Variants in C1QTNF3 observed in about 807,000 individuals in gnomAD.
The protein encoded by C1QTNF3 is complement C1q tumor necrosis factor-related protein 3.
Under a neutral mutation model 32.6 loss-of-function variants are expected in C1QTNF3, and 26 were observed. That is an observed-to-expected ratio of 0.80 (90% confidence interval 0.58 to 1.11). The LOEUF is 1.11. Ranked by LOEUF, C1QTNF3 falls within the 50% of genes least tolerant of loss-of-function variation. C1QTNF3 has a pLI of 0.00. For missense variants in C1QTNF3, 362 were observed against 398.2 expected, an observed-to-expected ratio of 0.91 and a Z score of 0.77; for synonymous variants, 155 against 146.0, an observed-to-expected ratio of 1.06 and a Z score of -0.44.
the C1QTNF3 span, among the ~76,000 whole-genome samples, chr5:34,148,244 G>C: frequency 6.9e-6 from 1 of 144,964 alleles, no homozygotes; most frequent in South Asian, 2.3e-4. Context: ...ACAGCAGTCT[G>C]AGATCAAACT....
the C1QTNF3 span, among the ~76,000 whole-genome samples, chr5:34,205,370 T>G: frequency 6.6e-6 from 1 of 152,188 alleles, no homozygotes; most frequent in Non-Finnish European, 1.5e-5. Context: ...CTCTCAAACC[T>G]CTTGTCCAAT....
At chr5:34,080,118 T>C in the C1QTNF3 span, among the ~76,000 whole-genome samples, 1 of 151,680 alleles carries the variant, frequency 6.6e-6, no homozygotes, top group African/African-American at 2.4e-5. Flanking sequence ...CAGTTCTTTT[T>C]TTTAAAGTGC....
intron 4 of C1QTNF3, 116 bp downstream of exon 4, chr5:34,028,638 C>A: frequency 1.1e-6 from 1 of 870,644 alleles, no homozygotes; most frequent in Non-Finnish European, 1.6e-6. Context: ...TACTCCCTTC[C>A]TCCTTCTTTC....
chr5:34,239,301 C>T, the C1QTNF3 span: 1 of 152,122 alleles, frequency 6.6e-6, no homozygotes, highest in South Asian at 2.1e-4. Flanking sequence ...CAACATTAAC[C>T]ATAAATGTAA....
the C1QTNF3 span, among the ~76,000 whole-genome samples, chr5:34,170,256 C>A: frequency 1.3e-5 from 2 of 152,074 alleles, no homozygotes; most frequent in African/African-American, 2.4e-5. Flanking sequence ...GCAGAGAAGA[C>A]CACAGTGGTT....
At chr5:34,020,823 C>G (rs751216775) in intron 5 of C1QTNF3, 81 bp from the exon 6 acceptor site, 1 of 1,401,640 alleles carries the variant, frequency 7.1e-7, no homozygotes, top group Non-Finnish European at 9.9e-7. Context: ...CTCCCCTTCT[C>G]TCCTTCCCAC....
chr5:34,121,413 T>C, the C1QTNF3 span, among the ~76,000 whole-genome samples: 1 of 152,112 alleles, frequency 6.6e-6, no homozygotes, highest in Non-Finnish European at 1.5e-5. Context: ...CTCAGAATCA[T>C]GGCAGGATAT....
the C1QTNF3 span, among the ~76,000 whole-genome samples, chr5:34,160,852 T>C: frequency 6.6e-6 from 1 of 151,196 alleles, no homozygotes; most frequent in Non-Finnish European, 1.5e-5. Context: ...GAAAGAATGC[T>C]ATGTGAAACA....
chr5:34,077,658 T>C, the C1QTNF3 span, among the ~76,000 whole-genome samples: 29 of 151,794 alleles, frequency 1.9e-4, no homozygotes, highest in Non-Finnish European at 1.2e-4. Flanking sequence ...TTATGACTAA[T>C]AGTAAGAGAT....
chr5:34,035,829 T>G (rs1754724123), intron 1 of C1QTNF3, 71 bp from the exon 2 acceptor site: 14 of 1,138,482 alleles, frequency 1.2e-5, no homozygotes, highest in Non-Finnish European at 1.8e-5. Context: ...AAATTTCCAC[T>G]GGCCTTGGCC....
the C1QTNF3 span, among the ~76,000 whole-genome samples, chr5:34,214,344 G>A: frequency 6.6e-6 from 1 of 151,646 alleles, no homozygotes; most frequent in African/African-American, 2.4e-5. Flanking sequence ...ATTTCCAGAA[G>A]AAAAGTATGT....
chr5:34,059,343 C>G, the C1QTNF3 span, among the ~76,000 whole-genome samples: 1 of 152,164 alleles, frequency 6.6e-6, no homozygotes, highest in Non-Finnish European at 1.5e-5. Flanking sequence ...CCCACCCTAA[C>G]AGCCTCATTT....
chr5:34,170,059 G>T, the C1QTNF3 span, among the ~76,000 whole-genome samples: 1 of 152,146 alleles, frequency 6.6e-6, no homozygotes, highest in Non-Finnish European at 1.5e-5. Flanking sequence ...CAGATGAATG[G>T]ATAAAGAAAT....
intron 3 of C1QTNF3, among the ~76,000 whole-genome samples, chr5:34,030,375 G>A (rs1364036): frequency 0.046 from 6,997 of 152,280 alleles, 236 homozygotes; most frequent in Non-Finnish European, 0.071. Flanking sequence ...TTGGGAATAA[G>A]GCTGTCTATT....
the C1QTNF3 span, among the ~76,000 whole-genome samples, chr5:34,099,863 ATAATT>A: frequency 7.1e-6 from 1 of 140,706 alleles, no homozygotes; most frequent in African/African-American, 2.7e-5. Flanking sequence ...CACCTCTCTG[ATAATT>A]TAAAGAGGTT....
chr5:34,031,543 C>G (rs1311355357), intron 3 of C1QTNF3, among the ~76,000 whole-genome samples: 1 of 152,126 alleles, frequency 6.6e-6, no homozygotes, highest in African/African-American at 2.4e-5. Flanking sequence ...AATTATTAAA[C>G]AGCATTTGGC....
At chr5:34,056,463 T>TAC in the C1QTNF3 span, among the ~76,000 whole-genome samples, 1 of 105,944 alleles carries the variant, frequency 9.4e-6, no homozygotes, top group Admixed American at 1.0e-4. Flanking sequence ...TGTATATATA[T>TAC]ATATATATAT....
the C1QTNF3 span, among the ~76,000 whole-genome samples, chr5:34,110,452 C>T: frequency 3.9e-5 from 6 of 151,952 alleles, no homozygotes; most frequent in African/African-American, 1.5e-4. Flanking sequence ...GCCATAGTTA[C>T]ACTCAGGCAT....
At chr5:34,219,599 G>A in the C1QTNF3 span, among the ~76,000 whole-genome samples, 130 of 150,034 alleles carry the variant, frequency 8.7e-4, no homozygotes, top group Admixed American at 3.5e-3. Flanking sequence ...TTGAAACATC[G>A]AATAATATAA....
Sources: gnomAD v4.1 joint callset for allele counts (sites outside exome capture counted in the v4.1 genomes callset) on GRCh38, gnomAD v4.1.1 for gene constraint, MANE v1.5 for transcripts, NCBI Gene and HGNC (gene_info 2026-07-23, HGNC 2026-07-21) for gene names.